Variants in C9 observed in about 807,000 individuals in gnomAD.
C9 encodes complement C9.
In C9, 63 loss-of-function variants were observed where a neutral mutation model predicts 65.4. That is an observed-to-expected ratio of 0.96 (90% confidence interval 0.79 to 1.19). The LOEUF (loss-of-function observed/expected upper bound fraction) is 1.19. C9 is among the 50% of genes most tolerant of loss of function. The probability of loss-of-function intolerance (pLI) is 0.00; values close to 1 mark genes in which losing one functional copy is unlikely to be tolerated. For synonymous variants in C9, 229 were observed against 227.9 expected (o/e 1.00, Z -0.04); for missense variants, 744 against 670.1 (o/e 1.11, Z -1.22).
In C9 at chr5:39,285,116, G is replaced by T; in HGVS notation, c.*83C>A. On this transcript the variant is annotated 3_prime_UTR_variant, in exon 11 of 11. Coordinates refer to ENST00000263408, the MANE Select transcript of C9 (RefSeq NM_001737.5). ...TCATGAAGCATGTTGCTATTTACTT[G>T]GCAGCTAAGATTATCTTCAGGGGTA... 1.8e-6 allele frequency: 2 copies of T among 1,085,618 alleles called. No individual in the cohort carries two copies. Among genetic ancestry groups the T allele is most frequent in the Non-Finnish European group, 2.9e-6 (2 of 698,282 alleles). 67.2% of individuals were successfully genotyped at this position (1,085,618 alleles called of 1,614,324 possible). A position where few individuals can be genotyped will look rare whatever the true frequency, so the allele number is the denominator to read the frequency against.
intron 8 of C9, 38 bp from the exon 9 acceptor site, chr5:39,306,830 A>G: frequency 6.8e-7 from 1 of 1,469,502 alleles, no homozygotes; most frequent in Non-Finnish European, 9.5e-7. Context: ...AAGCAGAAGA[A>G]GTTTAAAGAG....
At chr5:39,332,251 A>C (rs1753857651) in intron 4 of C9, among the ~76,000 whole-genome samples, 1 of 152,172 alleles carries the variant, frequency 6.6e-6, no homozygotes. Flanking sequence ...TCTATGAATC[A>C]ACATTGGGGC....
chr5:39,328,031 T>C (rs1753780778), intron 5 of C9, among the ~76,000 whole-genome samples: 1 of 152,082 alleles, frequency 6.6e-6, no homozygotes, highest in Non-Finnish European at 1.5e-5. Flanking sequence ...ATGAGACCCT[T>C]GAAAAAGATT....
chr5:39,333,848 G>A (rs1445993183), intron 4 of C9, among the ~76,000 whole-genome samples: 1 of 152,124 alleles, frequency 6.6e-6, no homozygotes, highest in Non-Finnish European at 1.5e-5. Context: ...TCCTAACCGC[G>A]AGTGATCCGC....
At position 39,349,317 on chromosome 5, in the gene C9, T is replaced by C. The variant is rs573817188; in HGVS notation, c.78-7121A>G. On this transcript the variant is annotated intron_variant, in intron 1 of 10. Coordinates refer to ENST00000263408, the MANE Select transcript of C9 (RefSeq NM_001737.5). ...AACTCTCCCTCTCTACTATCTCCTT[T>C]CCATTTGTAATATAAAGTGTTCAAG... Among the ~76,000 whole-genome samples the C allele has an allele frequency of 2.6e-5, 4 of 152,268 alleles. No homozygotes were observed. In the East Asian group the frequency reaches 7.7e-4, roughly 29 times the overall value.
At chr5:39,308,987 C>T (rs555475358) in intron 7 of C9, among the ~76,000 whole-genome samples, 13 of 152,232 alleles carry the variant, frequency 8.5e-5, no homozygotes, top group Admixed American at 6.5e-4. Flanking sequence ...GCTGGTTCAT[C>T]GCTTTGGACA....
intron 5 of C9, among the ~76,000 whole-genome samples, chr5:39,326,787 TG>T (rs751868279): frequency 1.3e-5 from 2 of 152,234 alleles, no homozygotes; most frequent in Non-Finnish European, 2.9e-5. Flanking sequence ...ATTTTCTAAA[TG>T]GGCTTAAGTT....
intron 1 of C9, among the ~76,000 whole-genome samples, chr5:39,355,341 T>C (rs1754396436): frequency 6.6e-6 from 1 of 152,226 alleles, no homozygotes. Flanking sequence ...CCTGCTCCAA[T>C]GATACTGGCA....
intron 6 of C9, among the ~76,000 whole-genome samples, chr5:39,314,410 T>C (rs891262054): frequency 6.6e-6 from 1 of 151,874 alleles, no homozygotes; most frequent in Non-Finnish European, 1.5e-5. Flanking sequence ...GATCACACCA[T>C]TGTACTGCAG....
At chr5:39,333,473 T>A (rs1753881121) in intron 4 of C9, among the ~76,000 whole-genome samples, 1 of 152,172 alleles carries the variant, frequency 6.6e-6, no homozygotes, top group Admixed American at 6.5e-5. Flanking sequence ...GTGATCCCAG[T>A]GAAAAGCAGA....
intron 4 of C9, among the ~76,000 whole-genome samples, chr5:39,336,147 C>T (rs907463910): frequency 1.3e-5 from 2 of 152,044 alleles, no homozygotes; most frequent in African/African-American, 4.8e-5. Flanking sequence ...TGCTGGGTCA[C>T]ACAGCATTGA....
At position 39,346,289 on chromosome 5, in the gene C9, A is replaced by G. The variant is rs899958734; in HGVS notation, c.78-4093T>C. On this transcript the variant is annotated intron_variant, in intron 1 of 10. Transcript: ENST00000263408. ...AGACCACTAGCAAGACTAATAAAGA[A>G]GAAAAGAGAGAAGAATCAAATAGAT... is the stretch of plus-strand genomic sequence containing the variant. 5.3e-5 allele frequency among the ~76,000 whole-genome samples: 8 copies of G among 152,356 alleles called. No individual in the cohort carries two copies. In the East Asian group the frequency reaches 1.3e-3, roughly 26 times the overall value.
chr5:39,343,159 G>A (rs987994053), intron 1 of C9, among the ~76,000 whole-genome samples: 1 of 152,134 alleles, frequency 6.6e-6, no homozygotes, highest in Non-Finnish European at 1.5e-5. Context: ...TCATCTCACT[G>A]GGGCTCATCA....
chr5:39,318,151 GC>G (rs1182695121), intron 5 of C9, among the ~76,000 whole-genome samples: 2 of 151,594 alleles, frequency 1.3e-5, no homozygotes, highest in South Asian at 2.1e-4. Flanking sequence ...TTCTCTGCTT[GC>G]CTGTTGTTGG....
chr5:39,301,849 G>A (rs1177447775), intron 9 of C9, among the ~76,000 whole-genome samples: 2 of 152,140 alleles, frequency 1.3e-5, no homozygotes, highest in East Asian at 3.9e-4. Context: ...TTATGAATTA[G>A]TATATAGTAT....
chr5:39,302,501 A>AT (rs1236360332), intron 9 of C9, among the ~76,000 whole-genome samples: 2 of 152,126 alleles, frequency 1.3e-5, no homozygotes, highest in Non-Finnish European at 2.9e-5. Flanking sequence ...GTTAGAAATG[A>AT]TTTTCACTGG....
At chr5:39,331,943 C>G in intron 4 of C9, 129 bp from the exon 5 acceptor site, 1 of 832,454 alleles carries the variant, frequency 1.2e-6, no homozygotes, top group Non-Finnish European at 2.1e-6. Flanking sequence ...GTGCTATAAT[C>G]AGGAACAGAA....
chr5:39,284,975 T>C lies in C9; in HGVS notation c.*224A>G, dbSNP rs915907490. On this transcript the variant is annotated 3_prime_UTR_variant, in exon 11 of 11. Transcript: ENST00000263408. Reference sequence around the variant, plus strand: ...ATAAAGCAGTTCTGGCGTATTTCACTGTTGACTTCTCATTAGGGAACAAAA... The same window carrying C: ...ATAAAGCAGTTCTGGCGTATTTCACCGTTGACTTCTCATTAGGGAACAAAA... 27 of 504,474 alleles carry C rather than the reference T, an allele frequency of 5.4e-5. No individual in the cohort carries two copies. Among genetic ancestry groups the C allele is most frequent in the Non-Finnish European group, 9.0e-5 (25 of 278,602 alleles). The allele number at this position is 504,474 out of a possible 1,614,324, so 31.2% of individuals were successfully genotyped here. A position where few individuals can be genotyped will look rare whatever the true frequency, so the allele number is the denominator to read the frequency against.
chr5:39,335,237 G>A (rs2111940052), intron 4 of C9, among the ~76,000 whole-genome samples: 1 of 152,232 alleles, frequency 6.6e-6, no homozygotes, highest in East Asian at 1.9e-4. Context: ...TTGATGATTA[G>A]CTCTTAGGTG....
Sources: allele counts gnomAD v4.1 joint callset (sites outside exome capture counted in the v4.1 genomes callset), GRCh38; gene constraint gnomAD v4.1.1; transcripts MANE v1.5; gene names NCBI Gene and HGNC (gene_info 2026-07-23, HGNC 2026-07-21).